The following NKAIN3 variants were observed in gnomAD, a reference collection of about 807,000 sequenced individuals.
The protein encoded by NKAIN3 is sodium/potassium-transporting ATPase subunit beta-1-interacting protein 3.
A neutral mutation model predicts 30.2 loss-of-function variants in NKAIN3; 25 were observed. The ratio of observed to expected loss-of-function variants is 0.83; its 90% CI spans 0.60 to 1.16. The LOEUF (loss-of-function observed/expected upper bound fraction) is 1.16. Ranked by LOEUF, NKAIN3 falls within the 50% of genes most tolerant of loss-of-function variation. NKAIN3 has a pLI of 0.00. For missense variants in NKAIN3, 225 were observed against 254.1 expected, an observed-to-expected ratio of 0.89 and a Z score of 0.78; for synonymous variants, 91 against 89.6, an observed-to-expected ratio of 1.02 and a Z score of -0.09.
chr8:62,439,798 A>AT (rs1212771030), intron 1 of NKAIN3, among the ~76,000 whole-genome samples: 2 of 152,108 alleles, frequency 1.3e-5, no homozygotes, highest in Non-Finnish European at 2.9e-5. Flanking sequence ...CAGAGAAGCA[A>AT]TTTTTTTGTT....
At chr8:62,849,649 C>T (rs1290132973) in intron 4 of NKAIN3, among the ~76,000 whole-genome samples, 1 of 134,002 alleles carries the variant, frequency 7.5e-6, no homozygotes, top group Non-Finnish European at 1.6e-5. Context: ...ATTCCCCTTC[C>T]TGTGTCCATG....
chr8:62,501,263 C>CCATGAG, intron 1 of NKAIN3, among the ~76,000 whole-genome samples: 1 of 152,114 alleles, frequency 6.6e-6, no homozygotes, highest in Non-Finnish European at 1.5e-5. Flanking sequence ...CCATGAGTAG[C>CCATGAG]TACTGGGGGC....
At chr8:62,737,191 AG>A (rs1426872075) in intron 3 of NKAIN3, among the ~76,000 whole-genome samples, 2 of 152,198 alleles carry the variant, frequency 1.3e-5, no homozygotes, top group Non-Finnish European at 2.9e-5. Context: ...TGAGCTCCTG[AG>A]TGGGACCCAC....
intron 4 of NKAIN3, among the ~76,000 whole-genome samples, chr8:62,804,417 C>T (rs1312712420): frequency 6.6e-6 from 1 of 152,078 alleles, no homozygotes; most frequent in Non-Finnish European, 1.5e-5. Flanking sequence ...TACTGGCAAA[C>T]CAAATCCAGC....
intron 3 of NKAIN3, among the ~76,000 whole-genome samples, chr8:62,707,453 T>G (rs1814568722): frequency 6.6e-6 from 1 of 152,180 alleles, no homozygotes; most frequent in Admixed American, 6.5e-5. Flanking sequence ...ATATTGTGGT[T>G]TTGATTTGCA....
At chr8:62,919,250 TTTTTTTTTTTTTG>T (rs1274628112) in intron 5 of NKAIN3, among the ~76,000 whole-genome samples, 1 of 112,092 alleles carries the variant, frequency 8.9e-6, no homozygotes, top group African/African-American at 3.6e-5. Context: ...TTTTTTTTTT[TTTTTTTTTTTTTG>T]AGACGGAGTC....
At chr8:62,344,882 T>G (rs4442138) in intron 1 of NKAIN3, 380,394 of 424,768 alleles carry the variant, frequency 0.9, 171,330 homozygotes, top group East Asian at 0.94. Context: ...CATTAAATTG[T>G]TAGATAACTT....
chr8:62,641,871 T>C (rs1039546612), intron 3 of NKAIN3, among the ~76,000 whole-genome samples: 35 of 152,138 alleles, frequency 2.3e-4, no homozygotes, highest in Non-Finnish European at 1.3e-4. Context: ...TGCATTTGGC[T>C]AAGATTAATT....
intron 4 of NKAIN3, among the ~76,000 whole-genome samples, chr8:62,785,912 G>A (rs949142762): frequency 1.3e-5 from 2 of 152,082 alleles, no homozygotes; most frequent in Admixed American, 1.3e-4. Context: ...GGCAATTAAA[G>A]TGTCTTTCGA....
intron 4 of NKAIN3, among the ~76,000 whole-genome samples, chr8:62,899,588 G>A (rs193025150): frequency 2.0e-5 from 3 of 152,248 alleles, no homozygotes; most frequent in Non-Finnish European, 4.4e-5. Flanking sequence ...AGGCTGGGAA[G>A]GGTAGCGGGA....
intron 3 of NKAIN3, among the ~76,000 whole-genome samples, chr8:62,678,027 A>G (rs1266880396): frequency 6.6e-6 from 1 of 152,210 alleles, no homozygotes; most frequent in Admixed American, 6.5e-5. Flanking sequence ...ACACTCAGTA[A>G]TATTTCTGAA....
At chr8:62,305,286 G>A (rs1043314257) in intron 1 of NKAIN3, among the ~76,000 whole-genome samples, 1 of 150,188 alleles carries the variant, frequency 6.7e-6, no homozygotes, top group South Asian at 2.1e-4. Context: ...CGACTTTAAA[G>A]CTCCAATGGT....
intron 3 of NKAIN3, among the ~76,000 whole-genome samples, chr8:62,626,324 G>A (rs1811785670): frequency 6.6e-6 from 1 of 152,102 alleles, no homozygotes; most frequent in Non-Finnish European, 1.5e-5. Flanking sequence ...GTTTCATGCT[G>A]GACTCAGTAA....
intron 1 of NKAIN3, among the ~76,000 whole-genome samples, chr8:62,381,423 C>G (rs1422156348): frequency 6.6e-6 from 1 of 152,130 alleles, no homozygotes; most frequent in Non-Finnish European, 1.5e-5. Context: ...ATATTCTTCT[C>G]TACCCTCGAA....
At chr8:62,574,672 A>G (rs918619247) in intron 1 of NKAIN3, among the ~76,000 whole-genome samples, 1 of 152,048 alleles carries the variant, frequency 6.6e-6, no homozygotes, top group East Asian at 1.9e-4. Context: ...AACAGTGTAC[A>G]GGGTTTCCCT....
intron 5 of NKAIN3, among the ~76,000 whole-genome samples, chr8:62,989,911 A>C (rs1455568): frequency 6.6e-6 from 1 of 151,808 alleles, no homozygotes; most frequent in African/African-American, 2.4e-5. Context: ...TTTGGCAATC[A>C]CATTACCTTG....
At chr8:62,330,489 A>G (rs1054067896) in intron 1 of NKAIN3, among the ~76,000 whole-genome samples, 1 of 151,976 alleles carries the variant, frequency 6.6e-6, no homozygotes, top group African/African-American at 2.4e-5. Context: ...GCTGAAATAC[A>G]TAATTTGGCA....
At chr8:62,624,651 G>T (rs570715794) in intron 3 of NKAIN3, among the ~76,000 whole-genome samples, 2 of 151,754 alleles carry the variant, frequency 1.3e-5, no homozygotes, top group Non-Finnish European at 2.9e-5. Context: ...TCTTACATTA[G>T]TTTTGGGGAA....
chr8:62,451,305 T>G, intron 1 of NKAIN3, among the ~76,000 whole-genome samples: 1 of 86,800 alleles, frequency 1.2e-5, no homozygotes, highest in East Asian at 3.6e-4. Flanking sequence ...TCCCGTCCCC[T>G]CCCCTCCCCT....
Sources: allele counts gnomAD v4.1 joint callset (sites outside exome capture counted in the v4.1 genomes callset), GRCh38; gene constraint gnomAD v4.1.1; transcripts MANE v1.5; gene names NCBI Gene and HGNC (gene_info 2026-07-23, HGNC 2026-07-21).